Variants in SNTG1 observed in about 807,000 individuals in gnomAD.
The protein encoded by SNTG1 is syntrophin gamma 1.
SNTG1 carries 39 observed loss-of-function variants against 74.7 expected under a neutral mutation model. The observed-to-expected ratio is 0.52, with a 90% CI of 0.40 to 0.68. The LOEUF (loss-of-function observed/expected upper bound fraction) is 0.68, where lower values mean the gene tolerates loss of function less well. SNTG1 is among the 30% of genes least tolerant of loss of function. The pLI, the probability that SNTG1 is intolerant of heterozygous loss-of-function variation, is 0.00. For missense variants in SNTG1, 685 were observed against 609.5 expected (o/e 1.12, Z -1.30); for synonymous variants, 254 against 217.1 (o/e 1.17, Z -1.49).
chr8:50,194,854 T>G (rs934199651), intron 2 of SNTG1, among the ~76,000 whole-genome samples: 1 of 152,120 alleles, frequency 6.6e-6, no homozygotes, highest in Non-Finnish European at 1.5e-5. Flanking sequence ...CCAGAGATTT[T>G]GATAGATTGT....
intron 8 of SNTG1, among the ~76,000 whole-genome samples, chr8:50,471,675 A>C (rs2093655484): frequency 6.6e-6 from 1 of 152,238 alleles, no homozygotes; most frequent in Admixed American, 6.5e-5. Flanking sequence ...TGTTTGTAGC[A>C]GGTTTATTCA....
At chr8:50,373,289 G>C (rs74886444) in intron 2 of SNTG1, among the ~76,000 whole-genome samples, 7,647 of 152,190 alleles carry the variant, frequency 0.05, 252 homozygotes, top group Non-Finnish European at 0.071. Flanking sequence ...ATGTTTTCAC[G>C]AAATACAGAA....
At chr8:49,975,360 T>C (rs767648888) in intron 1 of SNTG1, among the ~76,000 whole-genome samples, 1 of 152,178 alleles carries the variant, frequency 6.6e-6, no homozygotes, top group Non-Finnish European at 1.5e-5. Flanking sequence ...CGATTATCTT[T>C]GCCTTAGTAT....
rs545535922 is a variant in SNTG1, at chr8:49,911,734, C to G, written c.-600C>G. The G allele has an allele frequency of 6.6e-6, 1 of 152,204 alleles. No individual in the cohort carries two copies. Among genetic ancestry groups the G allele is most frequent in the Non-Finnish European group, 1.5e-5 (1 of 68,086 alleles). 9.4% of individuals were successfully genotyped at this position (152,204 alleles called of 1,614,324 possible). On this transcript the variant is annotated 5_prime_UTR_variant, in exon 1 of 19. Transcript: ENST00000642720. ...GGATGGACAGCGTCTCCGGACTGAG[C>G]TGCAGCCACAGGGACGGAACTACGC...
intron 2 of SNTG1, among the ~76,000 whole-genome samples, chr8:50,352,564 T>A (rs2091695743): frequency 6.6e-6 from 1 of 152,024 alleles, no homozygotes; most frequent in Non-Finnish European, 1.5e-5. Flanking sequence ...CTAATTTTTT[T>A]ATATTTAGTA....
intron 15 of SNTG1, among the ~76,000 whole-genome samples, chr8:50,675,372 A>G (rs2095305206): frequency 6.6e-6 from 1 of 152,116 alleles, no homozygotes; most frequent in East Asian, 1.9e-4. Context: ...TATTTAGGAT[A>G]GTTAGCTCTT....
chr8:50,438,693 G>C, intron 5 of SNTG1, 94 bp downstream of exon 5: 1 of 1,058,378 alleles, frequency 9.4e-7, no homozygotes, highest in Non-Finnish European at 1.4e-6. Flanking sequence ...AATTAGACAA[G>C]GATGGCTATA....
chr8:50,358,682 T>TA (rs539118526), intron 2 of SNTG1, among the ~76,000 whole-genome samples: 8 of 152,286 alleles, frequency 5.3e-5, no homozygotes, highest in Admixed American at 6.5e-5. Flanking sequence ...ATGAAAGTAT[T>TA]AAAAAAATTT....
chr8:50,477,948 G>C (rs73583491), intron 8 of SNTG1, among the ~76,000 whole-genome samples: 6,268 of 152,154 alleles, frequency 0.041, 136 homozygotes, highest in Middle Eastern at 0.12. Flanking sequence ...AAAGTGTTGT[G>C]TATTGATATA....
intron 13 of SNTG1, among the ~76,000 whole-genome samples, chr8:50,606,707 T>C (rs570451427): frequency 4.4e-4 from 67 of 152,126 alleles, no homozygotes; most frequent in African/African-American, 1.5e-3. Flanking sequence ...CTAGATGTTT[T>C]TCATAAATGT....
chr8:50,491,520 G>C (rs939723667), intron 8 of SNTG1: 1 of 152,272 alleles, frequency 6.6e-6, no homozygotes, highest in African/African-American at 2.4e-5. Flanking sequence ...CAACAGCAAT[G>C]TCCTTCCTGA....
At chr8:50,191,500 A>C (rs886681123) in intron 2 of SNTG1, among the ~76,000 whole-genome samples, 3 of 152,150 alleles carry the variant, frequency 2.0e-5, no homozygotes, top group African/African-American at 7.2e-5. Flanking sequence ...TTGGTTAATC[A>C]GCTGTAATTT....
chr8:50,668,874 C>A (rs958631899), intron 15 of SNTG1, among the ~76,000 whole-genome samples: 14 of 151,950 alleles, frequency 9.2e-5, no homozygotes, highest in African/African-American at 2.7e-4. Flanking sequence ...TTTATTCAGT[C>A]TGTCATTGGT....
intron 1 of SNTG1, among the ~76,000 whole-genome samples, chr8:49,920,190 T>C (rs571027842): frequency 6.6e-6 from 1 of 152,178 alleles, no homozygotes; most frequent in African/African-American, 2.4e-5. Flanking sequence ...GTATAAAGTC[T>C]TCATAGGGCA....
intron 1 of SNTG1, among the ~76,000 whole-genome samples, chr8:50,148,978 A>G (rs2131521523): frequency 6.6e-6 from 1 of 152,284 alleles, no homozygotes; most frequent in African/African-American, 2.4e-5. Context: ...CGCCACACCA[A>G]CTTCCACAAT....
At chr8:50,671,593 A>T (rs1329246559) in intron 15 of SNTG1, among the ~76,000 whole-genome samples, 1 of 152,010 alleles carries the variant, frequency 6.6e-6, no homozygotes, top group African/African-American at 2.4e-5. Flanking sequence ...TACACTGGTG[A>T]TGGGACTGTA....
Position 50,179,477 on chromosome 8 carries a change from A to G in SNTG1, c.-28+6842A>G, listed in dbSNP as rs149023863. ...AAAAAACATTTGCATGGAAAAGGAA[A>G]TAATCAACACAATAAAAAGGTAATC... is the stretch of plus-strand genomic sequence containing the variant. On this transcript the variant is annotated intron_variant, in intron 2 of 18. Coordinates refer to ENST00000642720, the MANE Select transcript of SNTG1 (RefSeq NM_018967.5). Among the ~76,000 whole-genome samples the G allele has an allele frequency of 1.6e-3, 242 of 152,346 alleles. 1 individual carries two copies. Among genetic ancestry groups the G allele is most frequent in the African/African-American group, 5.6e-3 (232 of 41,590 alleles).
chr8:50,191,656 C>T (rs1227389298), intron 2 of SNTG1, among the ~76,000 whole-genome samples: 1 of 152,000 alleles, frequency 6.6e-6, no homozygotes, highest in Non-Finnish European at 1.5e-5. Flanking sequence ...GTTTGCTGAA[C>T]CTGTCAACCC....
chr8:50,341,302 A>G (rs770370217), intron 2 of SNTG1, among the ~76,000 whole-genome samples: 9 of 151,932 alleles, frequency 5.9e-5, no homozygotes, highest in Non-Finnish European at 1.5e-5. Context: ...CATGGGACAA[A>G]TAAGAGTTGG....
Sources: allele counts gnomAD v4.1 joint callset (sites outside exome capture counted in the v4.1 genomes callset), GRCh38; gene constraint gnomAD v4.1.1; transcripts MANE v1.5; gene names NCBI Gene and HGNC (gene_info 2026-07-23, HGNC 2026-07-21).